The following AVEN variants were observed in gnomAD, a reference collection of about 807,000 sequenced individuals.
The protein encoded by AVEN is cell death regulator Aven.
A neutral mutation model predicts 38.1 loss-of-function variants in AVEN; 41 were observed. The observed-to-expected ratio is 1.08, with a 90% confidence interval of 0.84 to 1.40. AVEN has a LOEUF of 1.40. AVEN is among the 40% of genes most tolerant of loss of function. The pLI is 0.00. For missense variants in AVEN, 605 were observed against 438.8 expected, an observed-to-expected ratio of 1.38 and a Z score of -3.38; for synonymous variants, 206 against 171.8, an observed-to-expected ratio of 1.20 and a Z score of -1.56.
chr15:34,071,569 TC>T (rs1407738464), intron 1 of AVEN, among the ~76,000 whole-genome samples: 3 of 152,090 alleles, frequency 2.0e-5, no homozygotes, highest in Non-Finnish European at 4.4e-5. Context: ...AGGCACCGTG[TC>T]CAGCCAGGTG....
rs373285133 is a variant in AVEN, at chr15:33,983,128, CTGTGTG to C, written c.445+19898_445+19903del. On this transcript the variant is annotated intron_variant, in intron 2 of 5. Coordinates refer to ENST00000306730, the MANE Select transcript of AVEN (RefSeq NM_020371.3). ...AACCATATACATATATGTCCATACT[CTGTGTG>C]TGTGTGTGTGTGTGTGTGTGTGTGT... is the stretch of plus-strand genomic sequence containing the variant. 2.5e-3 allele frequency among the ~76,000 whole-genome samples: 333 copies of C among 135,344 alleles called. 2 individuals are homozygous for C. Among genetic ancestry groups the C allele is most frequent in the Admixed American group, 4.1e-3 (55 of 13,386 alleles). The allele number at this position is 135,344 out of a possible 152,430, so 88.8% of individuals were successfully genotyped here.
chr15:33,884,833 G>A (rs1285941282), intron 2 of AVEN, among the ~76,000 whole-genome samples: 3 of 152,170 alleles, frequency 2.0e-5, no homozygotes, highest in Admixed American at 2.0e-4. Context: ...GAGTGAATGT[G>A]AAAGATGGAA....
intron 2 of AVEN, among the ~76,000 whole-genome samples, chr15:33,960,118 T>C (rs1018182329): frequency 6.6e-6 from 1 of 152,192 alleles, no homozygotes; most frequent in South Asian, 2.1e-4. Flanking sequence ...AGGTTTCTTT[T>C]AGAAATAAAA....
chr15:33,934,775 C>A (rs1893996752), intron 2 of AVEN, among the ~76,000 whole-genome samples: 1 of 152,188 alleles, frequency 6.6e-6, no homozygotes, highest in South Asian at 2.1e-4. Context: ...ATATGGGCTA[C>A]AGAATCAGGT....
At chr15:33,881,919 T>C (rs1423443732) in intron 2 of AVEN, among the ~76,000 whole-genome samples, 2 of 152,190 alleles carry the variant, frequency 1.3e-5, no homozygotes, top group Non-Finnish European at 2.9e-5. Flanking sequence ...CAGCCAACTG[T>C]AGTTGACAAG....
chr15:34,025,116 G>A (rs539416434), intron 1 of AVEN, among the ~76,000 whole-genome samples: 3 of 152,192 alleles, frequency 2.0e-5, no homozygotes, highest in Admixed American at 2.0e-4. Context: ...GATGCAATAA[G>A]CAGAGATCGC....
At chr15:34,066,803 A>G (rs1284184520) in exon 3 of AVEN, 1 of 84,506 alleles carries the variant, frequency 1.2e-5, no homozygotes, top group African/African-American at 4.5e-5. Flanking sequence ...TGACAGAGCA[A>G]GACCCTGCCT....
chr15:33,932,302 T>C (rs1313244267), intron 2 of AVEN, among the ~76,000 whole-genome samples: 1 of 152,216 alleles, frequency 6.6e-6, no homozygotes, highest in Non-Finnish European at 1.5e-5. Flanking sequence ...TGTCCACCAG[T>C]GATTCACATG....
intron 1 of AVEN, among the ~76,000 whole-genome samples, chr15:34,022,956 G>A (rs1282362864): frequency 6.6e-6 from 1 of 152,238 alleles, no homozygotes; most frequent in Non-Finnish European, 1.5e-5. Flanking sequence ...GGGAGGCCGA[G>A]GCGGGCGGAT....
At chr15:33,860,780 T>G (rs1189857578) in intron 11 of AVEN, 6 of 807,238 alleles carry the variant, frequency 7.4e-6, no homozygotes, top group Non-Finnish European at 1.2e-5. Flanking sequence ...CGCAGTTTGT[T>G]TTCCATGCCC....
downstream of AVEN, among the ~76,000 whole-genome samples, chr15:33,863,518 C>A (rs925808955): frequency 3.3e-5 from 5 of 152,180 alleles, no homozygotes; most frequent in African/African-American, 9.7e-5. Context: ...GAAACGGTCT[C>A]TGAGATCATA....
At chr15:34,057,232 G>A (rs1467186814) in intron 5 of AVEN, among the ~76,000 whole-genome samples, 2 of 151,568 alleles carry the variant, frequency 1.3e-5, no homozygotes, top group Non-Finnish European at 2.9e-5. Context: ...GGCTTCCCAG[G>A]TTCAAGCGAT....
intron 2 of AVEN, among the ~76,000 whole-genome samples, chr15:33,928,065 T>C (rs779337565): frequency 3.9e-5 from 6 of 152,176 alleles, no homozygotes; most frequent in African/African-American, 4.8e-5. Context: ...AGCTAATCCA[T>C]GCGAAACTTT....
chr15:33,859,807 T>G, intron 11 of AVEN: 2 of 1,441,946 alleles, frequency 1.4e-6, no homozygotes, highest in Non-Finnish European at 1.9e-6. Flanking sequence ...TATGACTTAA[T>G]TGGTTTATGA....
intron 2 of AVEN, among the ~76,000 whole-genome samples, chr15:33,961,829 AAAAAAAAAAG>A (rs1895201374): frequency 6.6e-6 from 1 of 150,954 alleles, no homozygotes; most frequent in Non-Finnish European, 1.5e-5. Flanking sequence ...AAAAAAAAAA[AAAAAAAAAAG>A]AAAACGAAGT....
In AVEN at chr15:33,910,495, G is replaced by A. The variant is rs531961670; in HGVS notation, c.446-34500C>T. 5.6e-4 allele frequency among the ~76,000 whole-genome samples: 85 copies of A among 152,332 alleles called. 1 individual carries two copies. The highest frequency in any genetic ancestry group is 2.0e-3 in the African/African-American group (83 of 41,578). On this transcript the variant is annotated intron_variant, in intron 2 of 5. Coordinates refer to ENST00000306730, the MANE Select transcript of AVEN (RefSeq NM_020371.3). ...GAAATTGGGACGTGAAGATAGCTGC[G>A]CCAGTATCTGTCATGTAATTATCCT...
At chr15:33,860,093 G>C (rs181576215) in intron 11 of AVEN, among the ~76,000 whole-genome samples, 5 of 142,718 alleles carry the variant, frequency 3.5e-5, no homozygotes, top group Admixed American at 3.5e-4. Context: ...GGACAGTGCA[G>C]GGGAGGGGAG....
At chr15:33,893,339 T>C (rs1280873537) in intron 2 of AVEN, among the ~76,000 whole-genome samples, 1 of 152,216 alleles carries the variant, frequency 6.6e-6, no homozygotes, top group Non-Finnish European at 1.5e-5. Context: ...CCATTCAGTA[T>C]GATATTGGCT....
At chr15:34,005,104 T>A (rs1446799616) in intron 1 of AVEN, among the ~76,000 whole-genome samples, 1 of 152,160 alleles carries the variant, frequency 6.6e-6, no homozygotes, top group East Asian at 1.9e-4. Flanking sequence ...CACTAACCCC[T>A]CAGTACACAT....
Sources: allele counts gnomAD v4.1 joint callset (sites outside exome capture counted in the v4.1 genomes callset), GRCh38; gene constraint gnomAD v4.1.1; transcripts MANE v1.5; gene names NCBI Gene and HGNC (gene_info 2026-07-23, HGNC 2026-07-21).